Variants in SLC24A3 observed in about 807,000 individuals in gnomAD.
The protein encoded by SLC24A3 is sodium/potassium/calcium exchanger 3.
Under a neutral mutation model 75.8 loss-of-function variants are expected in SLC24A3, and 28 were observed. The ratio of observed to expected loss-of-function variants is 0.37; its 90% CI spans 0.27 to 0.51. The LOEUF is 0.51. Among genes scored for constraint, SLC24A3 ranks in the 20% least tolerant of loss-of-function variants. The pLI, the probability that SLC24A3 is intolerant of heterozygous loss-of-function variation, is 0.94. For synonymous variants in SLC24A3, 372 were observed against 334.1 expected (o/e 1.11, Z -1.24); for missense variants, 663 against 847.8 (o/e 0.78, Z 2.71).
At chr20:19,456,909 G>A (rs993184643) in intron 2 of SLC24A3, among the ~76,000 whole-genome samples, 2 of 152,204 alleles carry the variant, frequency 1.3e-5, no homozygotes, top group South Asian at 4.1e-4. Flanking sequence ...TGTTCACAGA[G>A]ATAAAAGATG....
intron 1 of SLC24A3, among the ~76,000 whole-genome samples, chr20:19,273,240 G>C (rs1256187557): frequency 6.6e-6 from 1 of 152,142 alleles, no homozygotes; most frequent in East Asian, 1.9e-4. Flanking sequence ...GTGTCATGTC[G>C]GACAGGAAGG....
At chr20:19,594,031 C>T (rs1409891077) in intron 6 of SLC24A3, among the ~76,000 whole-genome samples, 4 of 152,202 alleles carry the variant, frequency 2.6e-5, no homozygotes, top group East Asian at 3.9e-4. Flanking sequence ...TCTGCACAGG[C>T]AGAGCCAGCC....
chr20:19,604,872 G>T (rs1294869138), intron 6 of SLC24A3, among the ~76,000 whole-genome samples: 1 of 152,142 alleles, frequency 6.6e-6, no homozygotes, highest in Non-Finnish European at 1.5e-5. Flanking sequence ...GACAGATTGT[G>T]CAGGTGGTCA....
chr20:19,528,587 C>A (rs1055744073), intron 3 of SLC24A3, among the ~76,000 whole-genome samples: 2 of 152,124 alleles, frequency 1.3e-5, no homozygotes, highest in Non-Finnish European at 2.9e-5. Context: ...CATGATGAAT[C>A]CTGAGAATAC....
intron 1 of SLC24A3, among the ~76,000 whole-genome samples, chr20:19,273,079 C>G (rs930975094): frequency 2.0e-5 from 3 of 152,186 alleles, no homozygotes; most frequent in African/African-American, 7.2e-5. Context: ...AGAATCTGCC[C>G]TTGGGACCAG....
intron 3 of SLC24A3, among the ~76,000 whole-genome samples, chr20:19,540,373 C>G (rs140280451): frequency 2.6e-4 from 39 of 152,362 alleles, no homozygotes; most frequent in African/African-American, 9.4e-4. Flanking sequence ...GAGACCTGCT[C>G]TCTCTGCCAT....
chr20:19,520,269 C>T, intron 3 of SLC24A3, among the ~76,000 whole-genome samples: 1 of 152,158 alleles, frequency 6.6e-6, no homozygotes, highest in East Asian at 1.9e-4. Context: ...ATTTTCTAAA[C>T]CCTAGGCACG....
At chr20:19,696,005 T>A (rs1363664121) in intron 13 of SLC24A3, among the ~76,000 whole-genome samples, 1 of 122,678 alleles carries the variant, frequency 8.2e-6, no homozygotes, top group African/African-American at 2.8e-5. Context: ...TTTCCCCTTT[T>A]TTTCCTTTTC....
In SLC24A3 at chr20:19,438,806, C is replaced by G. The variant is rs1381201815; in HGVS notation, c.272-76682C>G. 4.6e-5 allele frequency among the ~76,000 whole-genome samples: 7 copies of G among 152,160 alleles called. No homozygotes were observed. In the South Asian group the frequency reaches 6.2e-4, roughly 14 times the overall value. ...TTGGTCTCTGCCCCTGGCACCCTCA[C>G]AGGGTAGGTAGTGTAGATAGTAAGC... On this transcript the variant is annotated intron_variant, in intron 2 of 16. Transcript: ENST00000328041.
At chr20:19,612,713 T>C (rs1194841927) in intron 6 of SLC24A3, among the ~76,000 whole-genome samples, 1 of 151,932 alleles carries the variant, frequency 6.6e-6, no homozygotes, top group Non-Finnish European at 1.5e-5. Context: ...GCCATCTGGC[T>C]CAGCTGCCAC....
intron 7 of SLC24A3, among the ~76,000 whole-genome samples, chr20:19,656,694 G>A (rs1049631665): frequency 6.6e-6 from 1 of 152,162 alleles, no homozygotes. Context: ...ATTCCAGAAG[G>A]AGACGACTGT....
intron 3 of SLC24A3, among the ~76,000 whole-genome samples, chr20:19,521,440 G>A (rs1372120151): frequency 6.6e-6 from 1 of 152,154 alleles, no homozygotes; most frequent in East Asian, 1.9e-4. Context: ...TGGAGGGAGA[G>A]GAGTCTCAGC....
At position 19,280,988 on chromosome 20, in the gene SLC24A3, G is replaced by C; in HGVS notation, c.172G>C (p.Asp58His). 6.2e-7 allele frequency: 1 copy of C among 1,614,022 alleles called. No homozygotes were observed. Among genetic ancestry groups the C allele is most frequent in the Non-Finnish European group, 8.5e-7 (1 of 1,179,950 alleles). Residue 58 changes from aspartate to histidine, a missense_variant, in exon 2 of 17, where the codon GAC (aspartate) becomes CAC (histidine). This residue lies in a region of SLC24A3 where 153 missense variants were observed against 144.2 expected (regional missense o/e 1.06). Transcript: ENST00000328041. Reference protein sequence around the residue: ...ELDLMDLVGEDRKWMMARKLM... With the variant: ...ELDLMDLVGEHRKWMMARKLM... ...TGACCTCATGGACCTCGTAGGGGAA[G>C]ACAGAAAGTGGATGATGGCGAGGAA...
At chr20:19,440,914 T>C (rs1217227349) in intron 2 of SLC24A3, among the ~76,000 whole-genome samples, 2 of 152,150 alleles carry the variant, frequency 1.3e-5, no homozygotes, top group East Asian at 1.9e-4. Flanking sequence ...GACTGTTTTT[T>C]CATCACATAT....
At chr20:19,400,047 TAGAAC>T (rs1462144163) in intron 2 of SLC24A3, among the ~76,000 whole-genome samples, 4 of 152,202 alleles carry the variant, frequency 2.6e-5, no homozygotes, top group Non-Finnish European at 4.4e-5. Context: ...TTTTGGAACA[TAGAAC>T]AGATAGTTAT....
chr20:19,433,700 A>G (rs114522430), intron 2 of SLC24A3, among the ~76,000 whole-genome samples: 1,736 of 152,334 alleles, frequency 0.011, 29 homozygotes, highest in African/African-American at 0.04. Flanking sequence ...GACAACTGCC[A>G]CTGAAAAAAT....
intron 2 of SLC24A3, among the ~76,000 whole-genome samples, chr20:19,319,359 G>A (rs915937746): frequency 3.9e-5 from 6 of 152,170 alleles, no homozygotes; most frequent in African/African-American, 1.2e-4. Context: ...GACCTATTGC[G>A]ATTCATAGGC....
intron 2 of SLC24A3, among the ~76,000 whole-genome samples, chr20:19,481,733 C>T (rs765624872): frequency 2.7e-4 from 41 of 152,198 alleles, no homozygotes; most frequent in Middle Eastern, 6.8e-3. Flanking sequence ...GCATTTCATT[C>T]CACCTACAGA....
intron 15 of SLC24A3, among the ~76,000 whole-genome samples, chr20:19,701,621 A>T (rs1241730944): frequency 6.6e-6 from 1 of 152,188 alleles, no homozygotes; most frequent in African/African-American, 2.4e-5. Flanking sequence ...GATACTCCTC[A>T]GCCCAACTCA....
Sources: gnomAD v4.1 joint callset for allele counts (sites outside exome capture counted in the v4.1 genomes callset) on GRCh38, gnomAD v4.1.1 for gene constraint, gnomAD v4.1.1 regional missense constraint, MANE v1.5 for transcripts, NCBI Gene and HGNC (gene_info 2026-07-23, HGNC 2026-07-21) for gene names.